ZBTB48: variants seen among roughly 807,000 people sequenced by gnomAD.
ZBTB48 encodes zinc finger and BTB domain containing 48.
A neutral mutation model predicts 64.5 loss-of-function variants in ZBTB48; 35 were observed. That is an observed-to-expected ratio of 0.54 (90% confidence interval 0.41 to 0.72). ZBTB48 has a LOEUF of 0.72. Among genes scored for constraint, ZBTB48 ranks in the 30% least tolerant of loss-of-function variants. The probability of loss-of-function intolerance (pLI) is 0.00; values close to 1 mark genes in which losing one functional copy is unlikely to be tolerated. For synonymous variants in ZBTB48, 442 were observed against 356.7 expected (o/e 1.24, Z -2.70); for missense variants, 828 against 895.3 (o/e 0.92, Z 0.96).
intron 9 of ZBTB48, 60 bp from the exon 10 acceptor site, chr1:6,588,696 G>T: frequency 6.2e-7 from 1 of 1,609,960 alleles, no homozygotes; most frequent in East Asian, 2.2e-5. Context: ...CCTCCTGCTG[G>T]GTTTCCTCGA....
Position 6,580,562 on chromosome 1 carries a change from C to CGT in ZBTB48, c.-47_-46insTG. 1 of 1,571,276 alleles carries CGT rather than the reference C, an allele frequency of 6.4e-7. No homozygotes were observed. Among genetic ancestry groups the CGT allele is most frequent in the Non-Finnish European group, 8.7e-7 (1 of 1,155,536 alleles). On this transcript the variant is annotated 5_prime_UTR_variant, in exon 2 of 11. Coordinates refer to ENST00000377674, the MANE Select transcript of ZBTB48 (RefSeq NM_005341.4). This position sits in a 1 kb window ranked among gnomAD's most constrained non-coding sequence, Gnocchi z 5.2. ...CCAGGAGCTTTCTCTTGCATACCCT[C>CGT]GCTTAGGCTGGCCGGGGTGTCACTT...
rs1640770938 is a variant in ZBTB48, at chr1:6,588,749, C to T, written c.1682-7C>T. The T allele has an allele frequency of 1.2e-6, 2 of 1,613,892 alleles. No individual in the cohort carries two copies. Among genetic ancestry groups the T allele is most frequent in the African/African-American group, 1.3e-5 (1 of 74,942 alleles). ...CATGATCCCCCACGGTGTTCTCCCT[C>T]TTGCAGCCGTGGAGCAACTGCGTGT... On this transcript the variant is annotated splice_polypyrimidine_tract_variant and splice_region_variant and intron_variant, in intron 9 of 10. Transcript: ENST00000377674.
rs1243818167 is a variant in ZBTB48, at chr1:6,588,382, G to C, written c.1621G>C (p.Ala541Pro). The change falls in exon 9 of 11, where the codon GCC becomes CCC. Residue 541 changes from alanine (A) to proline (P), a missense_variant. Transcript: ENST00000377674. ...GAAGGGGCCCCTCCTGAGGCACGTGGCCAGCCGCCATCAGGAGGGCCGGCC... is the reference window on the plus strand; with the variant it reads ...GAAGGGGCCCCTCCTGAGGCACGTGCCCAGCCGCCATCAGGAGGGCCGGCC... ...TEKGPLLRHV[A>P]SRHQEGRPHF... 6.3e-7 allele frequency: 1 copy of C among 1,593,132 alleles called. No homozygotes were observed. Among genetic ancestry groups the C allele is most frequent in the Non-Finnish European group, 8.6e-7 (1 of 1,167,040 alleles).
chr1:6,582,278 ATT>A lies in ZBTB48; in HGVS notation c.912_913del (p.Tyr304Ter). ...TGTCATAAAAAGTTCCTCAGCAAAT[ATT>A]ATCTAAAAGTCCACAACAGGTAAAC... On this transcript the variant is annotated stop_gained and frameshift_variant, in exon 3 of 11. Coordinates refer to ENST00000377674, the MANE Select transcript of ZBTB48 (RefSeq NM_005341.4). LOFTEE classifies it high-confidence loss of function. 6.2e-7 allele frequency: 1 copy of A among 1,612,208 alleles called. No individual in the cohort carries two copies. The highest frequency in any genetic ancestry group is 8.5e-7 in the Non-Finnish European group (1 of 1,178,514).
chr1:6,587,651 C>A lies in ZBTB48; in HGVS notation c.1379+19C>A. On this transcript the variant is annotated intron_variant, in intron 7 of 10. Coordinates refer to ENST00000377674, the MANE Select transcript of ZBTB48 (RefSeq NM_005341.4). ...AGCACAGGTGCGTGTCGCCCGTTCT[C>A]TCTTGGGGCCCAGTCCTGCTGCCAG... is the stretch of plus-strand genomic sequence containing the variant. The A allele has an allele frequency of 6.2e-7, 1 of 1,611,306 alleles. No homozygotes were observed. The highest frequency in any genetic ancestry group is 8.5e-7 in the Non-Finnish European group (1 of 1,179,880).
rs138712402 is a variant in ZBTB48 at position 6,587,612 on chromosome 1, G to A, written c.1359G>A (p.Met453Ile). Residue 453 changes from methionine to isoleucine, a missense_variant, in exon 7 of 11, where the codon ATG becomes ATA. Met to Ile is a conservative substitution (Grantham distance 10). Coordinates refer to ENST00000377674, the MANE Select transcript of ZBTB48 (RefSeq NM_005341.4). ...CCTCGAGCCGGAATGGCCTGCAGAT[G>A]CACATCAAGGCCAAGCACAGGTGCG... Reference protein sequence around the residue: ...HRASSRNGLQMHIKAKHRNER... With the variant: ...HRASSRNGLQIHIKAKHRNER... 1 of 1,613,390 alleles carries A rather than the reference G, an allele frequency of 6.2e-7. No homozygotes were observed. The highest frequency in any genetic ancestry group is 1.1e-5 in the South Asian group (1 of 91,048).
At chr1:6,583,716 T>A (rs1640556447) in intron 3 of ZBTB48, among the ~76,000 whole-genome samples, 1 of 150,900 alleles carries the variant, frequency 6.6e-6, no homozygotes, top group Admixed American at 6.6e-5. Context: ...TTCTCCTGCC[T>A]CAGCCTCCTC....
In ZBTB48 at chr1:6,589,033, C is replaced by G. The variant is rs770741710; in HGVS notation, c.1888C>G (p.Pro630Ala). 7 of 1,596,140 alleles carry G rather than the reference C, an allele frequency of 4.4e-6. No individual in the cohort carries two copies. In the South Asian group the frequency reaches 7.8e-5, roughly 18 times the overall value. ...DEKMVVVALQ[P>A]PAELEVGSAE... ...GAAGATGGTGGTGGTGGCGCTGCAGCCGCCTGCAGAGCTGGAGGTGGGCTC... is the reference window on the plus strand; with the variant it reads ...GAAGATGGTGGTGGTGGCGCTGCAGGCGCCTGCAGAGCTGGAGGTGGGCTC... Residue 630 changes from proline to alanine, a missense_variant, in exon 11 of 11, where the codon CCG becomes GCG. Physicochemically the swap from Pro to Ala is conservative, Grantham distance 27. Transcript: ENST00000377674.
rs761392913 is a variant in ZBTB48 at position 6,582,198 on chromosome 1, A to G, written c.831A>G (p.Ala277=). The G allele has an allele frequency of 2.5e-6, 4 of 1,614,138 alleles. No individual in the cohort carries two copies. Among genetic ancestry groups the G allele is most frequent in the Admixed American group, 3.3e-5 (2 of 60,008 alleles). ...CAGCCCTGAGCGCGGGCTCCCTAGC[A>G]GCTGAGCCTGCTGAGAACAGAAAAG... is the stretch of plus-strand genomic sequence containing the variant. ...AEPALSAGSL[A]AEPAENRKGT... is the part of the protein sequence containing the mutation. Residue 277 remains alanine (A), a synonymous_variant, in exon 3 of 11, where the codon GCA becomes GCG. Transcript: ENST00000377674.
chr1:6,588,051 C>T lies in ZBTB48; in HGVS notation c.1380-9C>T, dbSNP rs1640740178. 6.2e-7 allele frequency: 1 copy of T among 1,613,866 alleles called. No homozygotes were observed. Among genetic ancestry groups the T allele is most frequent in the African/African-American group, 1.3e-5 (1 of 74,928 alleles). On this transcript the variant is annotated splice_polypyrimidine_tract_variant and intron_variant, in intron 7 of 10. Coordinates refer to ENST00000377674, the MANE Select transcript of ZBTB48 (RefSeq NM_005341.4). Reference sequence around the variant, plus strand: ...TGATGGCCTCTGCCCCATGTCCCCACCTTAACAGGAATGAGAGGCCACACG... The same window carrying T: ...TGATGGCCTCTGCCCCATGTCCCCATCTTAACAGGAATGAGAGGCCACACG...
intron 4 of ZBTB48, chr1:6,586,392 C>T (rs546654146): frequency 6.6e-5 from 34 of 513,012 alleles, no homozygotes; most frequent in East Asian, 5.9e-4. Context: ...CAGGGCCCGC[C>T]GAAACCCAGG....
chr1:6,586,123 GA>G lies in ZBTB48; in HGVS notation c.1044+94del, dbSNP rs996187958. The G allele has an allele frequency of 1.5e-5, 19 of 1,270,530 alleles. No homozygotes were observed. The African/African-American group carries it at 2.8e-4, about 19-fold the overall frequency. The allele number at this position is 1,270,530 out of a possible 1,614,324, so 78.7% of individuals were successfully genotyped here. On this transcript the variant is annotated intron_variant, in intron 4 of 10. Transcript: ENST00000377674. ...GGAAGGGCCCCAGGAGACTGTCTGAGAGGGGTACTGTAAACTCAGGAAAGCT... is the reference window on the plus strand; with the variant it reads ...GGAAGGGCCCCAGGAGACTGTCTGAGGGGGTACTGTAAACTCAGGAAAGCT...
In ZBTB48 at chr1:6,580,778, G is replaced by A. The variant is rs899839159; in HGVS notation, c.169G>A (p.Asp57Asn). Residue 57 changes from aspartate to asparagine, a missense_variant, in exon 2 of 11, where the codon GAT becomes AAT. Physicochemically the swap from Asp to Asn is conservative, Grantham distance 23 (BLOSUM62 1). Transcript: ENST00000377674. This position sits in a 1 kb window ranked among gnomAD's most constrained non-coding sequence, Gnocchi z 5.2. ...CSHFFQSLYGDGSGGSVVLPA... is the reference protein window; with the variant it reads ...CSHFFQSLYGNGSGGSVVLPA... Reference sequence around the variant, plus strand: ...TCACTTTTTCCAGAGCCTCTACGGGGATGGCTCAGGGGGCAGTGTCGTCCT... The same window carrying A: ...TCACTTTTTCCAGAGCCTCTACGGGAATGGCTCAGGGGGCAGTGTCGTCCT... 1.2e-6 allele frequency: 2 copies of A among 1,614,246 alleles called. No individual in the cohort carries two copies. The highest frequency in any genetic ancestry group is 2.2e-5 in the East Asian group (1 of 44,886).
In ZBTB48 at chr1:6,584,505, C is replaced by T. The variant is rs1365330542; in HGVS notation, c.933-1414C>T. Among the ~76,000 whole-genome samples the T allele has an allele frequency of 3.9e-5, 6 of 152,216 alleles. No individual in the cohort carries two copies. Among genetic ancestry groups the T allele is most frequent in the South Asian group, 2.1e-4 (1 of 4,832 alleles). On this transcript the variant is annotated intron_variant, in intron 3 of 10. Coordinates refer to ENST00000377674, the MANE Select transcript of ZBTB48 (RefSeq NM_005341.4). This position sits in a 1 kb window ranked among gnomAD's most constrained non-coding sequence, Gnocchi z 4.5. ...TGTTTTCTTGCCATGCCAGGTTGGGCGGCACACTAGTAATCACCTAGAATG... is the reference window on the plus strand; with the variant it reads ...TGTTTTCTTGCCATGCCAGGTTGGGTGGCACACTAGTAATCACCTAGAATG...
rs201220815 is a variant in ZBTB48 at position 6,581,240 on chromosome 1, A to G, written c.631A>G (p.Lys211Glu). 1.1e-4 allele frequency: 179 copies of G among 1,612,770 alleles called. 1 individual carries two copies. In the South Asian group the frequency reaches 1.2e-3, roughly 11 times the overall value. Reference sequence around the variant, plus strand: ...TGAGGACAAGAAACCCGAGGACTGCAAAGTGCCCCCAAGGCCCTTAGAGGC... The same window carrying G: ...TGAGGACAAGAAACCCGAGGACTGCGAAGTGCCCCCAAGGCCCTTAGAGGC... ...PLEDKKPEDC[K>E]VPPRPLEAEG... The change falls in exon 2 of 11, where the codon AAA (lysine) becomes GAA (glutamate). Residue 211 changes from lysine to glutamate, a missense_variant. Physicochemically the swap from Lys to Glu is moderately conservative, Grantham distance 56 (BLOSUM62 1). Coordinates refer to ENST00000377674, the MANE Select transcript of ZBTB48 (RefSeq NM_005341.4).
chr1:6,581,091 C>T lies in ZBTB48; in HGVS notation c.482C>T (p.Pro161Leu). Residue 161 changes from proline to leucine, a missense_variant, in exon 2 of 11, where the codon CCC (proline) becomes CTC (leucine). Physicochemically the swap from Pro to Leu is moderately conservative, Grantham distance 98 (BLOSUM62 -3). Transcript: ENST00000377674. ...GTTTCGAGGACTCTGGGTCTAGTCC[C>T]CAGGGATCAGGAGCCCAGAGGCAGT... ...EEVSRTLGLV[P>L]RDQEPRGSHS... The T allele has an allele frequency of 1.2e-6, 2 of 1,613,078 alleles. No individual in the cohort carries two copies. The highest frequency in any genetic ancestry group is 1.7e-6 in the Non-Finnish European group (2 of 1,179,880).
At chr1:6,586,120 TGA>T (rs1640657737) in intron 4 of ZBTB48, 90 bp downstream of exon 4, 1 of 1,295,820 alleles carries the variant, frequency 7.7e-7, no homozygotes, top group South Asian at 1.2e-5. Flanking sequence ...GGAGACTGTC[TGA>T]GAGGGGTACT....
rs1186697903 is a variant in ZBTB48 at position 6,586,460 on chromosome 1, C to T, written c.1045-235C>T. The T allele has an allele frequency of 6.1e-6, 5 of 816,604 alleles. No individual in the cohort carries two copies. In the East Asian group the frequency reaches 1.5e-4, roughly 25 times the overall value. The allele number at this position is 816,604 out of a possible 1,614,324, so 50.6% of individuals were successfully genotyped here. A position where few individuals can be genotyped will look rare whatever the true frequency, so the allele number is the denominator to read the frequency against. ...TAGGGCCAGGGACTGTGGGTGAGGC[C>T]ACTCGGACCCTGCCCCCAGTCTGTC... is the stretch of plus-strand genomic sequence containing the variant. On this transcript the variant is annotated intron_variant, in intron 4 of 10. Coordinates refer to ENST00000377674, the MANE Select transcript of ZBTB48 (RefSeq NM_005341.4).
intron 6 of ZBTB48, 54 bp from the exon 7 acceptor site, chr1:6,587,424 C>G: frequency 6.2e-7 from 1 of 1,611,176 alleles, no homozygotes; most frequent in Non-Finnish European, 8.5e-7. Flanking sequence ...GCAGCCCTTC[C>G]CTGCTCTCAC....
Sources: allele counts gnomAD v4.1 joint callset (sites outside exome capture counted in the v4.1 genomes callset), GRCh38; gene constraint gnomAD v4.1.1; non-coding constraint Gnocchi (gnomAD v3.1); transcripts MANE v1.5; gene names NCBI Gene and HGNC (gene_info 2026-07-23, HGNC 2026-07-21).